STON1: variants seen among roughly 807,000 people sequenced by gnomAD.
The protein encoded by STON1 is stonin-1.
A neutral mutation model predicts 60.9 loss-of-function variants in STON1; 79 were observed. That is an observed-to-expected ratio of 1.30 (90% CI 1.08 to 1.56). The LOEUF (loss-of-function observed/expected upper bound fraction) is 1.56. Ranked by LOEUF, STON1 falls within the 40% of genes most tolerant of loss-of-function variation. STON1 has a pLI of 0.00. For missense variants in STON1, 1,166 were observed against 858.9 expected, an observed-to-expected ratio of 1.36 and a Z score of -4.47; for synonymous variants, 363 against 306.9, an observed-to-expected ratio of 1.18 and a Z score of -1.91.
At chr2:48,590,636 A>AAAACACACACACACACACACAC (rs1674455474) in intron 2 of STON1, among the ~76,000 whole-genome samples, 1 of 142,034 alleles carries the variant, frequency 7.0e-6, no homozygotes, top group Non-Finnish European at 1.5e-5. Flanking sequence ...ATTTCCTTAT[A>AAAACACACACACACACACACAC]ACACACACAC....
At chr2:48,589,499 G>C (rs970438663) in intron 2 of STON1, among the ~76,000 whole-genome samples, 1 of 152,186 alleles carries the variant, frequency 6.6e-6, no homozygotes, top group Admixed American at 6.5e-5. Context: ...TGTCCCTGTG[G>C]GGCAGAAAGT....
chr2:48,591,306 A>G (rs1440181892), intron 2 of STON1, among the ~76,000 whole-genome samples: 1 of 150,420 alleles, frequency 6.6e-6, no homozygotes, highest in Non-Finnish European at 1.5e-5. Flanking sequence ...ATATAGTAAT[A>G]TTTCTAATTA....
At position 48,581,595 on chromosome 2, in the gene STON1, A is replaced by T; in HGVS notation, c.962A>T (p.Glu321Val). 1 of 1,614,208 alleles carries T rather than the reference A, an allele frequency of 6.2e-7. No homozygotes were observed. ...YEQGLEKPFK[E>V]IQLDPYCRLS... ...CAGGGATTAGAAAAACCATTTAAAGAGATACAGCTTGATCCATATTGTAGG... is the reference window on the plus strand; with the variant it reads ...CAGGGATTAGAAAAACCATTTAAAGTGATACAGCTTGATCCATATTGTAGG... Residue 321 changes from glutamate (E) to valine (V), a missense_variant, in exon 2 of 4, where the codon GAG becomes GTG. By Grantham distance (121) the Glu-to-Val change is moderately radical. Coordinates refer to ENST00000404752, the MANE Select transcript of STON1 (RefSeq NM_006873.4).
intron 1 of STON1, among the ~76,000 whole-genome samples, chr2:48,550,955 TTTTCTTTTTAC>T (rs1240227856): frequency 3.3e-5 from 5 of 152,012 alleles, no homozygotes; most frequent in Non-Finnish European, 7.4e-5. Context: ...ACTCTTTTTC[TTTTCTTTTTAC>T]TTAAAAAAAA....
In STON1 at chr2:48,541,284, C is replaced by T. The variant is rs532700140; in HGVS notation, c.-48+11068C>T. Reference sequence around the variant, plus strand: ...ACAGTCACTTGAACCTAAGCTGGGGCGGAGGTTGAAGTGAGCTGAGATCCT... The same window carrying T: ...ACAGTCACTTGAACCTAAGCTGGGGTGGAGGTTGAAGTGAGCTGAGATCCT... On this transcript the variant is annotated intron_variant, in intron 1 of 3. Transcript: ENST00000404752. 4.0e-4 allele frequency among the ~76,000 whole-genome samples: 60 copies of T among 150,332 alleles called. 1 individual carries two copies. The highest frequency in any genetic ancestry group is 5.3e-4 in the Non-Finnish European group (36 of 67,682).
chr2:48,540,323 G>A (rs1188109245), intron 1 of STON1, among the ~76,000 whole-genome samples: 1 of 152,108 alleles, frequency 6.6e-6, no homozygotes, highest in Non-Finnish European at 1.5e-5. Context: ...GGTGTGTTAG[G>A]CCTCAGAGGC....
Position 48,564,480 on chromosome 2 carries a change from TTTCTTC to T in STON1, c.-47-16024_-47-16019del, listed in dbSNP as rs869188236. The stretch of plus-strand genomic sequence containing the variant: ...CTTCTTCTTCTTCTTCTTCTTCTTC[TTTCTTC>T]TTCTTCTTCTTCTTCTTCTTCTTCT... On this transcript the variant is annotated intron_variant, in intron 1 of 3. Coordinates refer to ENST00000404752, the MANE Select transcript of STON1 (RefSeq NM_006873.4). 8.6e-4 allele frequency among the ~76,000 whole-genome samples: 28 copies of T among 32,490 alleles called. 1 individual carries two copies. The highest frequency in any genetic ancestry group is 1.1e-3 in the Non-Finnish European group (17 of 15,498). 21.3% of individuals were successfully genotyped at this position (32,490 alleles called of 152,430 possible). A position where few individuals can be genotyped will look rare whatever the true frequency, so the allele number is the denominator to read the frequency against.
At chr2:48,535,494 C>T (rs984773189) in intron 1 of STON1, among the ~76,000 whole-genome samples, 1 of 152,106 alleles carries the variant, frequency 6.6e-6, no homozygotes, top group East Asian at 1.9e-4. Context: ...TTGAGATCCC[C>T]AGAAGGATCA....
intron 1 of STON1, among the ~76,000 whole-genome samples, chr2:48,553,621 G>A (rs1230724889): frequency 6.6e-6 from 1 of 152,034 alleles, no homozygotes; most frequent in Non-Finnish European, 1.5e-5. Flanking sequence ...CCAAGTAGCT[G>A]GGATTACAGG....
intron 1 of STON1, among the ~76,000 whole-genome samples, chr2:48,551,451 C>T (rs946996122): frequency 6.6e-6 from 1 of 152,248 alleles, no homozygotes; most frequent in East Asian, 1.9e-4. Context: ...CCTGCCCCTG[C>T]CCCTGGCCTT....
chr2:48,594,992 C>G (rs1674719022), intron 3 of STON1, among the ~76,000 whole-genome samples: 1 of 152,030 alleles, frequency 6.6e-6, no homozygotes, highest in Non-Finnish European at 1.5e-5. Context: ...ACTTAGAAGA[C>G]AGTTTTGGTG....
chr2:48,578,543 CCTCCTT>C (rs1189678279), intron 1 of STON1, among the ~76,000 whole-genome samples: 3 of 143,512 alleles, frequency 2.1e-5, no homozygotes. Flanking sequence ...TCCTCCTTCT[CCTCCTT>C]CTCCTCCTTC....
In STON1 at chr2:48,596,479, A is replaced by G. The variant is rs997443609; in HGVS notation, c.*1177A>G. On this transcript the variant is annotated 3_prime_UTR_variant, in exon 4 of 4. Transcript: ENST00000404752. ...GAGAATTTTAAAATTTATGAAATCT[A>G]TATTCCAGGTATTGTTTTTAGTCTG... The G allele has an allele frequency of 6.6e-6, 1 of 152,210 alleles. No individual in the cohort carries two copies. 9.4% of individuals were successfully genotyped at this position (152,210 alleles called of 1,614,324 possible).
intron 1 of STON1, among the ~76,000 whole-genome samples, chr2:48,536,359 C>G (rs1241604786): frequency 2.0e-5 from 3 of 151,838 alleles, no homozygotes; most frequent in East Asian, 3.9e-4. Flanking sequence ...ACCAGCCTGG[C>G]CAACATGGTA....
At chr2:48,536,248 C>T (rs1671422379) in intron 1 of STON1, among the ~76,000 whole-genome samples, 1 of 151,854 alleles carries the variant, frequency 6.6e-6, no homozygotes, top group South Asian at 2.1e-4. Flanking sequence ...AGAGATAGTG[C>T]ATGAAAATGT....
chr2:48,544,748 T>A (rs1230405111), intron 1 of STON1, among the ~76,000 whole-genome samples: 1 of 152,180 alleles, frequency 6.6e-6, no homozygotes, highest in Admixed American at 6.5e-5. Flanking sequence ...GGTTTCACCG[T>A]GCTGGCCAGG....
chr2:48,553,688 A>G (rs11688465), intron 1 of STON1, among the ~76,000 whole-genome samples: 10,536 of 152,052 alleles, frequency 0.069, 507 homozygotes, highest in Non-Finnish European at 0.1. Flanking sequence ...CAGTTTTATC[A>G]TGTTGGCCAG....
intron 2 of STON1, 121 bp downstream of exon 2, chr2:48,582,684 G>C (rs1382391838): frequency 6.9e-7 from 1 of 1,457,842 alleles, no homozygotes; most frequent in African/African-American, 1.4e-5. Context: ...CTGTGCTTTG[G>C]GGTAGGAGAT....
chr2:48,584,024 C>T (rs1558640911), intron 2 of STON1, among the ~76,000 whole-genome samples: 2 of 152,120 alleles, frequency 1.3e-5, no homozygotes, highest in Admixed American at 6.6e-5. Flanking sequence ...GCTGGGATTA[C>T]AGGCTTGAGC....
Sources: allele counts gnomAD v4.1 joint callset (sites outside exome capture counted in the v4.1 genomes callset), GRCh38; gene constraint gnomAD v4.1.1; transcripts MANE v1.5; gene names NCBI Gene and HGNC (gene_info 2026-07-23, HGNC 2026-07-21).